The following ENTREP2 variants were observed in gnomAD, a reference collection of about 807,000 sequenced individuals.
ENTREP2 encodes endosomal transmembrane epsin interactor 2, also known as protein ENTREP2.
At chr15:29,642,210 G>C in the ENTREP2 span, among the ~76,000 whole-genome samples, 1 of 151,988 alleles carries the variant, frequency 6.6e-6, no homozygotes, top group East Asian at 1.9e-4. Flanking sequence ...CAAATCTGTA[G>C]CACTTAAAAT....
At chr15:29,508,175 T>C in the ENTREP2 span, among the ~76,000 whole-genome samples, 1 of 152,070 alleles carries the variant, frequency 6.6e-6, no homozygotes, top group Admixed American at 6.6e-5. Flanking sequence ...CCTGGACACA[T>C]ACACCCTCCC....
the ENTREP2 span, among the ~76,000 whole-genome samples, chr15:29,368,218 AG>A: frequency 6.6e-6 from 1 of 151,828 alleles, no homozygotes; most frequent in Admixed American, 6.6e-5. Context: ...CCAGCTACTC[AG>A]GAGGCTGAGG....
chr15:29,201,805 T>G, the ENTREP2 span, among the ~76,000 whole-genome samples: 10 of 152,232 alleles, frequency 6.6e-5, no homozygotes, highest in Non-Finnish European at 1.3e-4. Context: ...AAAATCAATT[T>G]GGAAATGTTC....
chr15:29,237,045 G>A, the ENTREP2 span, among the ~76,000 whole-genome samples: 244 of 152,264 alleles, frequency 1.6e-3, no homozygotes, highest in Middle Eastern at 3.4e-3. Flanking sequence ...AGTGATATTT[G>A]TTTTAGGTAT....
chr15:29,638,201 G>A, the ENTREP2 span, among the ~76,000 whole-genome samples: 1 of 152,214 alleles, frequency 6.6e-6, no homozygotes, highest in Non-Finnish European at 1.5e-5. Context: ...CAGTGGCTAT[G>A]GGCCAGGCAG....
the ENTREP2 span, among the ~76,000 whole-genome samples, chr15:29,587,540 C>A: frequency 6.6e-6 from 1 of 152,140 alleles, no homozygotes; most frequent in African/African-American, 2.4e-5. Flanking sequence ...TCACTGGTTG[C>A]CCTCAGAGGA....
At chr15:29,511,089 T>C in the ENTREP2 span, among the ~76,000 whole-genome samples, 1 of 152,060 alleles carries the variant, frequency 6.6e-6, no homozygotes. Context: ...ACAACTAATG[T>C]AGATGACGGG....
the ENTREP2 span, among the ~76,000 whole-genome samples, chr15:29,223,677 C>A: frequency 6.6e-6 from 1 of 152,224 alleles, no homozygotes; most frequent in African/African-American, 2.4e-5. Flanking sequence ...AATGCGGGCC[C>A]AGTAGAACTC....
chr15:29,269,533 T>G, the ENTREP2 span: 1 of 1,523,750 alleles, frequency 6.6e-7, no homozygotes, highest in East Asian at 2.7e-5. Context: ...CTGCGACCCC[T>G]GCGAGCCGCC....
the ENTREP2 span, among the ~76,000 whole-genome samples, chr15:29,277,872 CAA>C: frequency 6.6e-6 from 1 of 151,900 alleles, no homozygotes; most frequent in Non-Finnish European, 1.5e-5. Flanking sequence ...GGTATGTCCA[CAA>C]AGAGAGCTGA....
the ENTREP2 span, among the ~76,000 whole-genome samples, chr15:29,293,083 C>A: frequency 2.3e-4 from 35 of 152,180 alleles, no homozygotes; most frequent in Admixed American, 3.3e-4. Context: ...CATGGCCCAA[C>A]ATCCACTGCT....
chr15:29,626,565 G>A, the ENTREP2 span, among the ~76,000 whole-genome samples: 1 of 152,176 alleles, frequency 6.6e-6, no homozygotes, highest in African/African-American at 2.4e-5. Context: ...TTAGCAGCAG[G>A]AGAACAGACT....
At chr15:29,645,061 G>C in the ENTREP2 span, among the ~76,000 whole-genome samples, 1 of 152,104 alleles carries the variant, frequency 6.6e-6, no homozygotes, top group Non-Finnish European at 1.5e-5. Context: ...TGAAAAAAGA[G>C]AAATAAATTG....
At chr15:29,450,796 G>C in the ENTREP2 span, among the ~76,000 whole-genome samples, 1 of 152,188 alleles carries the variant, frequency 6.6e-6, no homozygotes, top group Admixed American at 6.5e-5. Context: ...TAAAAAGAAT[G>C]ATGTTCCTGC....
At chr15:29,601,798 TAC>T in the ENTREP2 span, among the ~76,000 whole-genome samples, 1 of 152,310 alleles carries the variant, frequency 6.6e-6, no homozygotes, top group South Asian at 2.1e-4. Context: ...GCAGCACAAC[TAC>T]ACACTTTGCT....
At chr15:29,493,123 CCCTTT>C in the ENTREP2 span, among the ~76,000 whole-genome samples, 1 of 131,592 alleles carries the variant, frequency 7.6e-6, no homozygotes, top group African/African-American at 3.4e-5. Context: ...TCCCTGACAA[CCCTTT>C]TTTTTTTTTT....
chr15:29,554,142 G>A, the ENTREP2 span, among the ~76,000 whole-genome samples: 3 of 151,828 alleles, frequency 2.0e-5, no homozygotes, highest in East Asian at 1.9e-4. Context: ...TTGAAACCCC[G>A]TCTCTACTAA....
At chr15:29,423,729 C>G in the ENTREP2 span, among the ~76,000 whole-genome samples, 700 of 152,098 alleles carry the variant, frequency 4.6e-3, 10 homozygotes, top group African/African-American at 0.016. Context: ...ACCTGGGAGG[C>G]GGAGGCTGCA....
chr15:29,651,290 T>G, the ENTREP2 span, among the ~76,000 whole-genome samples: 1 of 152,166 alleles, frequency 6.6e-6, no homozygotes, highest in East Asian at 1.9e-4. Context: ...TTTCAAAAAC[T>G]TCACCTTCAA....
Sources: gnomAD v4.1 joint callset for allele counts (sites outside exome capture counted in the v4.1 genomes callset) on GRCh38, gnomAD v4.1.1 for gene constraint, MANE v1.5 for transcripts, NCBI Gene and HGNC (gene_info 2026-07-23, HGNC 2026-07-21) for gene names.